SYN3: variants seen among roughly 807,000 people sequenced by gnomAD.
SYN3 encodes synapsin-3.
SYN3 carries 35 observed loss-of-function variants against 65.8 expected under a neutral mutation model. The observed-to-expected ratio is 0.53, with a 90% CI of 0.41 to 0.70. SYN3 has a LOEUF of 0.70. SYN3 is among the 30% of genes least tolerant of loss of function. SYN3 has a pLI of 0.00. For missense variants in SYN3, 680 were observed against 749.0 expected (o/e 0.91, Z 1.08); for synonymous variants, 270 against 292.9 (o/e 0.92, Z 0.80).
chr22:32,986,081 A>G (rs2052518178), intron 2 of SYN3, among the ~76,000 whole-genome samples: 1 of 152,082 alleles, frequency 6.6e-6, no homozygotes, highest in African/African-American at 2.4e-5. Flanking sequence ...CTGAGTCTCC[A>G]TGCTCACTGT....
chr22:32,944,539 T>TCC (rs2051043547), intron 3 of SYN3, among the ~76,000 whole-genome samples: 1 of 152,192 alleles, frequency 6.6e-6, no homozygotes, highest in African/African-American at 2.4e-5. Context: ...TGATGGGATG[T>TCC]ATCTCAAAAT....
At chr22:32,831,113 T>C (rs948583119) in intron 6 of SYN3, among the ~76,000 whole-genome samples, 1 of 152,026 alleles carries the variant, frequency 6.6e-6, no homozygotes. Context: ...TGGGCTGAGG[T>C]TGAAGTTGAG....
intron 6 of SYN3, among the ~76,000 whole-genome samples, chr22:32,615,072 T>C (rs1333217242): frequency 6.6e-6 from 1 of 152,154 alleles, no homozygotes; most frequent in Non-Finnish European, 1.5e-5. Flanking sequence ...TGCTAAGTGC[T>C]GATGTGCGTT....
chr22:32,932,774 G>C (rs756737177), intron 3 of SYN3, among the ~76,000 whole-genome samples: 5 of 152,152 alleles, frequency 3.3e-5, no homozygotes, highest in Non-Finnish European at 5.9e-5. Flanking sequence ...AGTCTCCCAA[G>C]GCTGCTGTAA....
chr22:32,827,718 T>A (rs1341055530), intron 6 of SYN3, among the ~76,000 whole-genome samples: 1 of 152,210 alleles, frequency 6.6e-6, no homozygotes, highest in African/African-American at 2.4e-5. Flanking sequence ...TCTTAATTCC[T>A]CAAGAAGCTC....
intron 6 of SYN3, among the ~76,000 whole-genome samples, chr22:32,739,369 A>AC (rs1286945156): frequency 2.0e-4 from 13 of 65,512 alleles, no homozygotes; most frequent in Admixed American, 6.5e-4. Flanking sequence ...AGTCCATTAA[A>AC]CCCCCCCTTT....
intron 4 of SYN3, among the ~76,000 whole-genome samples, chr22:32,930,790 T>C (rs1601718499): frequency 1.3e-5 from 2 of 152,320 alleles, no homozygotes; most frequent in South Asian, 2.1e-4. Context: ...ATCTCGCCTA[T>C]GGATTTATAC....
At chr22:32,743,003 C>T (rs184723938) in intron 6 of SYN3, among the ~76,000 whole-genome samples, 4 of 152,166 alleles carry the variant, frequency 2.6e-5, no homozygotes, top group African/African-American at 9.6e-5. Flanking sequence ...GTAACTTACC[C>T]AAAGTAACAT....
At chr22:32,574,904 A>C (rs142095944) in intron 7 of SYN3, among the ~76,000 whole-genome samples, 36 of 152,266 alleles carry the variant, frequency 2.4e-4, no homozygotes, top group Non-Finnish European at 3.8e-4. Context: ...CTCCAAAATA[A>C]TAAGCAAAAT....
intron 6 of SYN3, among the ~76,000 whole-genome samples, chr22:32,822,929 CA>C (rs367976058): frequency 9.5e-4 from 24 of 25,342 alleles, no homozygotes; most frequent in East Asian, 6.8e-3. Context: ...ACAACAACAA[CA>C]AAAAAAAAAC....
At chr22:32,777,399 C>A (rs1336304661) in intron 6 of SYN3, among the ~76,000 whole-genome samples, 1 of 151,644 alleles carries the variant, frequency 6.6e-6, no homozygotes, top group Non-Finnish European at 1.5e-5. Context: ...TTTTTTTAAT[C>A]CAATTATTAT....
intron 6 of SYN3, among the ~76,000 whole-genome samples, chr22:32,712,621 T>C (rs1371775393): frequency 6.6e-6 from 1 of 152,304 alleles, no homozygotes. Flanking sequence ...TGTTGTGGCA[T>C]TTCTGCTTGA....
At chr22:33,015,220 C>CAAAAAAA in intron 1 of SYN3, 4 of 101,062 alleles carry the variant, frequency 4.0e-5, no homozygotes, top group Non-Finnish European at 5.3e-5. Context: ...GACTCCGTCT[C>CAAAAAAA]AAAAAAAAAA....
intron 6 of SYN3, among the ~76,000 whole-genome samples, chr22:32,767,337 C>T (rs1329979795): frequency 3.3e-5 from 5 of 152,116 alleles, no homozygotes; most frequent in Non-Finnish European, 7.4e-5. Context: ...CCAGTTTCTG[C>T]TCCCACTACT....
At chr22:32,886,354 G>A (rs181665864) in intron 4 of SYN3, among the ~76,000 whole-genome samples, 73 of 152,222 alleles carry the variant, frequency 4.8e-4, no homozygotes, top group African/African-American at 1.7e-3. Flanking sequence ...TGGCAGCTTC[G>A]AGGAGAATTA....
At chr22:32,841,209 TAA>T (rs1174929371) in intron 6 of SYN3, among the ~76,000 whole-genome samples, 3 of 152,188 alleles carry the variant, frequency 2.0e-5, no homozygotes, top group African/African-American at 4.8e-5. Flanking sequence ...CAGCAATAGG[TAA>T]AGCAAAGAAC....
intron 6 of SYN3, among the ~76,000 whole-genome samples, chr22:32,710,335 T>A (rs2060942946): frequency 6.6e-6 from 1 of 151,274 alleles, no homozygotes; most frequent in South Asian, 2.1e-4. Context: ...GGGACCTGGT[T>A]GTTTAAAAGT....
At chr22:32,556,975 T>A (rs1377916268) in intron 7 of SYN3, among the ~76,000 whole-genome samples, 1 of 151,970 alleles carries the variant, frequency 6.6e-6, no homozygotes, top group Non-Finnish European at 1.5e-5. Context: ...ATCTATACTT[T>A]AAAAAAGTCC....
chr22:32,707,544 G>A (rs1262742111), intron 6 of SYN3, among the ~76,000 whole-genome samples: 1 of 152,208 alleles, frequency 6.6e-6, no homozygotes, highest in Admixed American at 6.5e-5. Context: ...TTATTTGCCT[G>A]TGTACCTCCA....
Sources: allele counts gnomAD v4.1 joint callset (sites outside exome capture counted in the v4.1 genomes callset), GRCh38; gene constraint gnomAD v4.1.1; transcripts MANE v1.5; gene names NCBI Gene and HGNC (gene_info 2026-07-23, HGNC 2026-07-21).